Variants in SCRG1 observed in about 807,000 individuals in gnomAD.
SCRG1 encodes stimulator of chondrogenesis 1.
SCRG1 carries 3 observed loss-of-function variants against 7.7 expected under a neutral mutation model. The ratio of observed to expected loss-of-function variants is 0.39; its 90% confidence interval spans 0.18 to 1.01. The LOEUF (loss-of-function observed/expected upper bound fraction) is 1.01. Among genes scored for constraint, SCRG1 ranks in the 50% least tolerant of loss-of-function variants. SCRG1 has a pLI of 0.36. For missense variants in SCRG1, 110 were observed against 117.2 expected (o/e 0.94, Z 0.28); for synonymous variants, 46 against 41.2 (o/e 1.12, Z -0.44).
chr4:173,479,532 C>G, the SCRG1 span, among the ~76,000 whole-genome samples: 8 of 151,002 alleles, frequency 5.3e-5, no homozygotes, highest in African/African-American at 1.9e-4. Flanking sequence ...CCTCTGCCTC[C>G]TGGGTTCAAG....
the SCRG1 span, among the ~76,000 whole-genome samples, chr4:173,515,395 C>G: frequency 6.7e-6 from 1 of 149,328 alleles, no homozygotes; most frequent in Admixed American, 6.7e-5. The surrounding 1 kb of genome is among the most constrained non-coding windows in gnomAD (Gnocchi z 4.6). Flanking sequence ...ATAATAGAAG[C>G]AACAGAAGGA....
the SCRG1 span, among the ~76,000 whole-genome samples, chr4:173,487,673 T>A: frequency 2.6e-5 from 4 of 152,192 alleles, no homozygotes; most frequent in African/African-American, 4.8e-5. Flanking sequence ...TAGAATTTTT[T>A]AAAATTCCCT....
the SCRG1 span, among the ~76,000 whole-genome samples, chr4:173,425,236 C>T: frequency 6.6e-6 from 1 of 152,198 alleles, no homozygotes; most frequent in African/African-American, 2.4e-5. Context: ...TTGTCAATTT[C>T]ATGACCACCG....
Position 173,391,363 on chromosome 4 carries a change from C to A in SCRG1, c.52G>T (p.Val18Phe), listed in dbSNP as rs768406640. Reference sequence around the variant, plus strand: ...AGGCGATTTGCAGGCATGGCTTGAACTCCTAGCAGCAAAGTTAGCCCAATG... The same window carrying A: ...AGGCGATTTGCAGGCATGGCTTGAAATCCTAGCAGCAAAGTTAGCCCAATG... ...FTIGLTLLLGVQAMPANRLSC... is the reference protein window; with the variant it reads ...FTIGLTLLLGFQAMPANRLSC... Residue 18 changes from valine to phenylalanine, a missense_variant, in exon 2 of 3, where the codon GTT becomes TTT. By Grantham distance (50) the Val-to-Phe change is conservative. Coordinates refer to ENST00000296506, the MANE Select transcript of SCRG1 (RefSeq NM_007281.4). 1.9e-6 allele frequency: 3 copies of A among 1,614,200 alleles called. No individual in the cohort carries two copies. In the Admixed American group the frequency reaches 5.0e-5, roughly 27 times the overall value.
At chr4:173,472,941 A>G in the SCRG1 span, among the ~76,000 whole-genome samples, 1 of 152,336 alleles carries the variant, frequency 6.6e-6, no homozygotes, top group South Asian at 2.1e-4. Context: ...ATGCTAATAA[A>G]TTTACATGCA....
the SCRG1 span, among the ~76,000 whole-genome samples, chr4:173,516,698 G>T: frequency 6.6e-6 from 1 of 152,228 alleles, no homozygotes; most frequent in Non-Finnish European, 1.5e-5. Flanking sequence ...GACTGCCGGA[G>T]AAAGGCTTTT....
At chr4:173,484,219 T>A in the SCRG1 span, among the ~76,000 whole-genome samples, 23 of 91,244 alleles carry the variant, frequency 2.5e-4, no homozygotes, top group African/African-American at 9.3e-4. Context: ...TTTTCTATAT[T>A]ATATATAATA....
At chr4:173,486,195 A>C in the SCRG1 span, among the ~76,000 whole-genome samples, 2 of 152,050 alleles carry the variant, frequency 1.3e-5, no homozygotes, top group Non-Finnish European at 2.9e-5. Context: ...CATCTCTTTC[A>C]TTCTCCATAT....
intron 1 of SCRG1, among the ~76,000 whole-genome samples, chr4:173,397,996 T>C (rs1739652289): frequency 6.6e-6 from 1 of 152,256 alleles, no homozygotes; most frequent in Admixed American, 6.5e-5. Flanking sequence ...TTAAAATTGC[T>C]GCCCAGTCTG....
At chr4:173,411,309 A>G (rs1740028284), upstream of SCRG1, among the ~76,000 whole-genome samples, 1 of 152,268 alleles carries the variant, frequency 6.6e-6, no homozygotes, top group Admixed American at 6.5e-5. Context: ...CCTTGTGGCT[A>G]CAAAGATTCA....
At chr4:173,490,391 C>T in the SCRG1 span, among the ~76,000 whole-genome samples, 62 of 152,272 alleles carry the variant, frequency 4.1e-4, no homozygotes, top group African/African-American at 1.5e-3. Flanking sequence ...GGAATTGCTT[C>T]ATTAAGAACA....
At chr4:173,461,728 G>A in the SCRG1 span, among the ~76,000 whole-genome samples, 1 of 152,244 alleles carries the variant, frequency 6.6e-6, no homozygotes, top group East Asian at 1.9e-4. Flanking sequence ...TAAGGTACCA[G>A]GGACCGATCC....
chr4:173,484,032 A>G, the SCRG1 span, among the ~76,000 whole-genome samples: 2 of 91,926 alleles, frequency 2.2e-5, no homozygotes, highest in Admixed American at 1.7e-4. Flanking sequence ...TATAATATAC[A>G]TATATAATTA....
At chr4:173,499,031 G>A in the SCRG1 span, among the ~76,000 whole-genome samples, 4 of 152,182 alleles carry the variant, frequency 2.6e-5, no homozygotes, top group Non-Finnish European at 4.4e-5. The surrounding 1 kb of genome is among the most constrained non-coding windows in gnomAD (Gnocchi z 4.1). Context: ...AGAAAAGGCC[G>A]CGGGTTCTGG....
chr4:173,416,903 CACACCCAA>C, the SCRG1 span, among the ~76,000 whole-genome samples: 1 of 117,230 alleles, frequency 8.5e-6, no homozygotes, highest in Non-Finnish European at 1.7e-5. Flanking sequence ...TCATCACACA[CACACCCAA>C]ACACACACAC....
chr4:173,400,905 C>G (rs976495757), upstream of SCRG1, among the ~76,000 whole-genome samples: 1 of 152,038 alleles, frequency 6.6e-6, no homozygotes, highest in Admixed American at 6.5e-5. Flanking sequence ...CAGAATTATT[C>G]AAGGAATGGG....
At chr4:173,455,221 C>T in the SCRG1 span, among the ~76,000 whole-genome samples, 1 of 151,876 alleles carries the variant, frequency 6.6e-6, no homozygotes. Context: ...TTAACAGACC[C>T]AAGACTGGCA....
chr4:173,406,732 G>A (rs749259705), upstream of SCRG1, among the ~76,000 whole-genome samples: 2 of 152,040 alleles, frequency 1.3e-5, no homozygotes, highest in Non-Finnish European at 2.9e-5. Flanking sequence ...CATGTAGTAT[G>A]TAGCCATTAC....
At chr4:173,451,348 G>T in the SCRG1 span, among the ~76,000 whole-genome samples, 1 of 151,708 alleles carries the variant, frequency 6.6e-6, no homozygotes, top group South Asian at 2.1e-4. Flanking sequence ...AAGCAAAGCT[G>T]AAATTGAAAC....
Sources: allele counts gnomAD v4.1 joint callset (sites outside exome capture counted in the v4.1 genomes callset), GRCh38; gene constraint gnomAD v4.1.1; non-coding constraint Gnocchi (gnomAD v3.1); transcripts MANE v1.5; gene names NCBI Gene and HGNC (gene_info 2026-07-23, HGNC 2026-07-21).